ALDH1A3: variants seen among roughly 807,000 people sequenced by gnomAD.
ALDH1A3 encodes aldehyde dehydrogenase 1 family member A3.
Under a neutral mutation model 57.5 loss-of-function variants are expected in ALDH1A3, and 28 were observed. The ratio of observed to expected loss-of-function variants is 0.49; its 90% confidence interval spans 0.36 to 0.67. ALDH1A3 has a LOEUF of 0.67. ALDH1A3 is among the 30% of genes least tolerant of loss of function. The probability of loss-of-function intolerance (pLI) is 0.00; values close to 1 mark genes in which losing one functional copy is unlikely to be tolerated. For missense variants in ALDH1A3, 507 were observed against 669.4 expected, an observed-to-expected ratio of 0.76 and a Z score of 2.68; for synonymous variants, 281 against 264.8, an observed-to-expected ratio of 1.06 and a Z score of -0.59.
chr15:100,881,204 C>T (rs2041544500), intron 1 of ALDH1A3: 1 of 152,220 alleles, frequency 6.6e-6, no homozygotes, highest in Non-Finnish European at 1.5e-5. Flanking sequence ...CCTCTGATCA[C>T]AAGACATTTA....
chr15:100,912,573 G>A (rs2041891439), intron 12 of ALDH1A3, among the ~76,000 whole-genome samples: 1 of 151,960 alleles, frequency 6.6e-6, no homozygotes, highest in African/African-American at 2.4e-5. Context: ...GTTTTATTTA[G>A]GAAAGATTAT....
chr15:100,912,191 A>G (rs1246941388), intron 12 of ALDH1A3, among the ~76,000 whole-genome samples: 1 of 152,210 alleles, frequency 6.6e-6, no homozygotes, highest in Non-Finnish European at 1.5e-5. Context: ...GGAAGTATAC[A>G]CTTGTGGGAG....
chr15:100,881,218 TA>T (rs1204057115), intron 1 of ALDH1A3: 3 of 152,238 alleles, frequency 2.0e-5, no homozygotes, highest in African/African-American at 7.2e-5. Context: ...ACATTTAAAT[TA>T]ACTGTTTTCA....
At chr15:100,898,247 T>G in intron 8 of ALDH1A3, 62 bp downstream of exon 8, 2 of 1,462,578 alleles carry the variant, frequency 1.4e-6, no homozygotes, top group Non-Finnish European at 9.5e-7. Flanking sequence ...CTCCCCCTAC[T>G]TCCTGGCCTG....
intron 12 of ALDH1A3, among the ~76,000 whole-genome samples, chr15:100,908,921 AG>A (rs140045165): frequency 0.011 from 1,701 of 152,216 alleles, 37 homozygotes; most frequent in East Asian, 0.028. Flanking sequence ...TGAGCCTAGT[AG>A]GGGACCTCCT....
At position 100,893,294 on chromosome 15, in the gene ALDH1A3, A is replaced by G. The variant is rs2041670182; in HGVS notation, c.537+288A>G. ...GAAGGTGGTCTCTTAGCTGGGCCTT[A>G]AAGATAAGAAAGACTTGTTCAACAA... On this transcript the variant is annotated intron_variant, in intron 5 of 12. Transcript: ENST00000329841. This position sits in a 1 kb window ranked among gnomAD's most constrained non-coding sequence, Gnocchi z 4.8. 3.0e-6 allele frequency: 1 copy of G among 332,314 alleles called. No homozygotes were observed. The highest frequency in any genetic ancestry group is 5.5e-6 in the Non-Finnish European group (1 of 183,198). 20.6% of individuals were successfully genotyped at this position (332,314 alleles called of 1,614,324 possible).
Position 100,909,919 on chromosome 15 carries a change from C to G in ALDH1A3, c.1466+1437C>G, listed in dbSNP as rs2041866970. Among the ~76,000 whole-genome samples the G allele has an allele frequency of 1.3e-5, 2 of 152,256 alleles. 1 individual carries two copies. The highest frequency in any genetic ancestry group is 4.8e-5 in the African/African-American group (2 of 41,468). Reference sequence around the variant, plus strand: ...AAACTCTTCCTTTTATTTCACTAGTCTGTCCTATTTATATACAAATGTAGT... The same window carrying G: ...AAACTCTTCCTTTTATTTCACTAGTGTGTCCTATTTATATACAAATGTAGT... On this transcript the variant is annotated intron_variant, in intron 12 of 12. Coordinates refer to ENST00000329841, the MANE Select transcript of ALDH1A3 (RefSeq NM_000693.4).
Position 100,887,636 on chromosome 15 carries a change from G to A in ALDH1A3, c.269G>A (p.Arg90Gln), listed in dbSNP as rs750097418. 80 of 1,612,002 alleles carry A rather than the reference G, an allele frequency of 5.0e-5. No homozygotes were observed. The highest frequency in any genetic ancestry group is 1.6e-4 in the Middle Eastern group (1 of 6,078). ...TTCCAGAGGGGCTCGCCATGGCGCC[G>A]GCTGGATGCCCTGAGTCGTGGGCGG... is the stretch of plus-strand genomic sequence containing the variant. The part of the protein sequence containing the change: ...VAFQRGSPWR[R>Q]LDALSRGRLL... Residue 90 changes from arginine to glutamine, a missense_variant, in exon 3 of 13, where the codon CGG (arginine) becomes CAG (glutamine). Around this residue, in one of 2 missense-constraint regions of ALDH1A3, gnomAD observed 432 missense variants for 608.4 expected, o/e 0.71. Transcript: ENST00000329841. This position sits in a 1 kb window ranked among gnomAD's most constrained non-coding sequence, Gnocchi z 4.6.
At position 100,916,343 on chromosome 15, in the gene ALDH1A3, C is replaced by T. The variant is rs1031511254; in HGVS notation, c.*1570C>T. The T allele has an allele frequency of 6.6e-6, 1 of 152,530 alleles. No homozygotes were observed. The highest frequency in any genetic ancestry group is 1.9e-4 in the East Asian group (1 of 5,186). The allele number at this position is 152,530 out of a possible 1,614,324, so 9.4% of individuals were successfully genotyped here. ...AGTGATACGTTAGAGGGTTCCTATT[C>T]TTCCATTGTACGATAATGTCTTTAA... is the stretch of plus-strand genomic sequence containing the variant. On this transcript the variant is annotated 3_prime_UTR_variant, in exon 13 of 13. Transcript: ENST00000329841.
chr15:100,908,006 G>A (rs1348699848), intron 11 of ALDH1A3, among the ~76,000 whole-genome samples: 5 of 151,688 alleles, frequency 3.3e-5, no homozygotes, highest in African/African-American at 1.2e-4. Context: ...ACGCCACCAC[G>A]CCCAGCTAAT....
chr15:100,903,006 C>T (rs1465960969), intron 9 of ALDH1A3, among the ~76,000 whole-genome samples: 2 of 152,186 alleles, frequency 1.3e-5, no homozygotes, highest in Admixed American at 6.5e-5. Context: ...ACTTGGTTCA[C>T]CCAGAGAGAA....
Position 100,906,166 on chromosome 15 carries a change from T to G in ALDH1A3, c.1233+479T>G, listed in dbSNP as rs1006918477. Among the ~76,000 whole-genome samples the G allele has an allele frequency of 1.3e-5, 2 of 152,174 alleles. No individual in the cohort carries two copies. The highest frequency in any genetic ancestry group is 2.9e-5 in the Non-Finnish European group (2 of 68,028). ...AACATGTCACAGCTGGAATTTTTAT[T>G]GACATTTTCCACCACGGACGTCTTG... On this transcript the variant is annotated intron_variant, in intron 10 of 12. Transcript: ENST00000329841. This position sits in a 1 kb window ranked among gnomAD's most constrained non-coding sequence, Gnocchi z 4.8.
At chr15:100,909,965 AG>A (rs1393897811) in intron 12 of ALDH1A3, among the ~76,000 whole-genome samples, 1 of 152,236 alleles carries the variant, frequency 6.6e-6, no homozygotes, top group Non-Finnish European at 1.5e-5. Flanking sequence ...CACTTCTTCC[AG>A]CGGGAACAGA....
At chr15:100,907,844 C>CTTTTTTTTTT (rs71151987) in intron 11 of ALDH1A3, among the ~76,000 whole-genome samples, 228 of 81,894 alleles carry the variant, frequency 2.8e-3, no homozygotes, top group African/African-American at 3.7e-3. Context: ...TTCTTTCTTT[C>CTTTTTTTTTT]TTTTTTTTTT....
intron 9 of ALDH1A3, among the ~76,000 whole-genome samples, chr15:100,901,077 TG>T (rs1016576900): frequency 1.3e-5 from 2 of 151,938 alleles, no homozygotes; most frequent in African/African-American, 4.8e-5. Context: ...GGCAGCAGAG[TG>T]CAGGCAGCGT....
At chr15:100,909,795 A>G (rs2041865779) in intron 12 of ALDH1A3, among the ~76,000 whole-genome samples, 1 of 152,152 alleles carries the variant, frequency 6.6e-6, no homozygotes, top group South Asian at 2.1e-4. Context: ...CCAGCTCAGG[A>G]TTTTATTAGC....
At chr15:100,890,268 G>A (rs985537093) in intron 3 of ALDH1A3, among the ~76,000 whole-genome samples, 3 of 152,188 alleles carry the variant, frequency 2.0e-5, no homozygotes, top group African/African-American at 7.2e-5. Context: ...TTCTCAGGAG[G>A]CACATTTTCC....
chr15:100,909,416 C>T (rs2041860371), intron 12 of ALDH1A3, among the ~76,000 whole-genome samples: 3 of 150,802 alleles, frequency 2.0e-5, no homozygotes, highest in Admixed American at 2.0e-4. Context: ...ACTGGAAACC[C>T]CTCCACTGTG....
At position 100,900,600 on chromosome 15, in the gene ALDH1A3, T is replaced by C; in HGVS notation, c.909T>C (p.His303=). ...TGGACTTGGCAGTGGAGTGTGCCCA[T>C]CAGGGAGTGTTCTTCAACCAAGGCC... ...ADLDLAVECA[H]QGVFFNQGQC... is the part of the protein sequence containing the mutation. The change falls in exon 9 of 13, where the codon CAT becomes CAC. Residue 303 remains histidine, a synonymous_variant. Transcript: ENST00000329841. 6.3e-7 allele frequency: 1 copy of C among 1,599,370 alleles called. No homozygotes were observed. The highest frequency in any genetic ancestry group is 8.5e-7 in the Non-Finnish European group (1 of 1,172,300).
Sources: gnomAD v4.1 joint callset for allele counts (sites outside exome capture counted in the v4.1 genomes callset) on GRCh38, gnomAD v4.1.1 for gene constraint, gnomAD v4.1.1 regional missense constraint, Gnocchi (gnomAD v3.1) non-coding constraint, MANE v1.5 for transcripts, NCBI Gene and HGNC (gene_info 2026-07-23, HGNC 2026-07-21) for gene names.